RDH13: variants seen among roughly 807,000 people sequenced by gnomAD.
The protein encoded by RDH13 is retinol dehydrogenase 13, also known as retinol dehydrogenase 13 (all-trans and 9-cis).
RDH13 carries 35 observed loss-of-function variants against 28.3 expected under a neutral mutation model. The observed-to-expected ratio is 1.24, with a 90% CI of 0.95 to 1.64. The LOEUF is 1.64. RDH13 is among the 40% of genes most tolerant of loss of function. The pLI, the probability that RDH13 is intolerant of heterozygous loss-of-function variation, is 0.00. For missense variants in RDH13, 514 were observed against 446.3 expected, an observed-to-expected ratio of 1.15 and a Z score of -1.37; for synonymous variants, 229 against 198.5, an observed-to-expected ratio of 1.15 and a Z score of -1.29.
At chr19:55,039,477 G>A (rs367609173), downstream of RDH13, 13 of 152,268 alleles carry the variant, frequency 8.5e-5, no homozygotes, top group East Asian at 2.1e-3. Flanking sequence ...GAACCTGGGA[G>A]GCAGAGATTG....
chr19:55,048,178 C>G (rs1602714544), intron 5 of RDH13, 151 bp downstream of exon 5: 7 of 1,535,748 alleles, frequency 4.6e-6, no homozygotes, highest in African/African-American at 4.1e-5. Flanking sequence ...CTGCTTCAGG[C>G]ACCAGAAGCG....
chr19:55,056,743 C>A lies in RDH13; in HGVS notation c.250G>T (p.Gly84Trp). 6.2e-7 allele frequency: 1 copy of A among 1,614,042 alleles called. No homozygotes were observed. The highest frequency in any genetic ancestry group is 8.5e-7 in the Non-Finnish European group (1 of 1,180,006). ...TTGACATGGTGATTGAGGGTCTCCCCGCGGATGTCCTTTGCTGCCGCCTCA... is the reference window on the plus strand; with the variant it reads ...TTGACATGGTGATTGAGGGTCTCCCAGCGGATGTCCTTTGCTGCCGCCTCA... ...KCEAAAKDIR[G>W]ETLNHHVNAR... Residue 84 changes from glycine to tryptophan, a missense_variant, in exon 3 of 7, where the codon GGG becomes TGG. Coordinates refer to ENST00000415061, the MANE Select transcript of RDH13 (RefSeq NM_001145971.2).
chr19:55,067,815 C>G (rs950289051), upstream of RDH13: 1 of 152,244 alleles, frequency 6.6e-6, no homozygotes, highest in Admixed American at 6.5e-5. Flanking sequence ...CCATTCCTCC[C>G]TTCCAGCTCA....
chr19:55,062,956 G>C lies in RDH13; in HGVS notation c.65+12C>G. ...CGCCTTGACCGCGCACGCGGGGCTA[G>C]AATGTACTCACTTGAGCAGCACGGC... On this transcript the variant is annotated intron_variant, in intron 1 of 6. Coordinates refer to ENST00000415061, the MANE Select transcript of RDH13 (RefSeq NM_001145971.2). 2 of 1,474,622 alleles carry C rather than the reference G, an allele frequency of 1.4e-6. No individual in the cohort carries two copies. The highest frequency in any genetic ancestry group is 9.0e-7 in the Non-Finnish European group (1 of 1,116,924). The allele number at this position is 1,474,622 out of a possible 1,614,324, so 91.3% of individuals were successfully genotyped here.
chr19:55,062,934 C>A (rs73615893), intron 1 of RDH13, 34 bp downstream of exon 1: 2 of 1,429,938 alleles, frequency 1.4e-6, no homozygotes, highest in Admixed American at 3.0e-5. Flanking sequence ...GGGGGCCCGC[C>A]TTGACCGCGC....
intron 6 of RDH13, among the ~76,000 whole-genome samples, chr19:55,045,736 G>A (rs192187097): frequency 2.3e-3 from 344 of 147,910 alleles, no homozygotes; most frequent in African/African-American, 7.9e-3. Flanking sequence ...ACCTGGGGTC[G>A]GGAGTTCCAG....
intron 3 of RDH13, 53 bp downstream of exon 3, chr19:55,056,600 C>T (rs2075641342): frequency 1.9e-6 from 3 of 1,591,324 alleles, no homozygotes; most frequent in East Asian, 2.3e-5. Context: ...CAGAGCCTGG[C>T]CCTGGGAGCC....
chr19:55,045,935 A>G (rs1296530800), intron 6 of RDH13, among the ~76,000 whole-genome samples: 1 of 130,764 alleles, frequency 7.6e-6, no homozygotes, highest in Non-Finnish European at 1.6e-5. Context: ...GACAATAGCA[A>G]GACTTCGTCT....
At chr19:55,056,177 A>C (rs1272779862) in intron 3 of RDH13, among the ~76,000 whole-genome samples, 1 of 151,166 alleles carries the variant, frequency 6.6e-6, no homozygotes, top group Non-Finnish European at 1.5e-5. Flanking sequence ...AAACAAAACA[A>C]AGTCAGCCGG....
chr19:55,061,157 T>G (rs970895231), intron 1 of RDH13, among the ~76,000 whole-genome samples: 4 of 152,098 alleles, frequency 2.6e-5, no homozygotes, highest in Non-Finnish European at 5.9e-5. Flanking sequence ...AGACAGAGTC[T>G]CGCTCTGTCG....
chr19:55,039,347 C>G (rs2074953063), downstream of RDH13: 2 of 152,196 alleles, frequency 1.3e-5, no homozygotes, highest in Non-Finnish European at 2.9e-5. Context: ...GCCTGGTTAA[C>G]ATGGTGAAAC....
At chr19:55,050,987 G>A (rs1438696511) in intron 3 of RDH13, 1 of 137,644 alleles carries the variant, frequency 7.3e-6, no homozygotes, top group Non-Finnish European at 1.5e-5. Flanking sequence ...TCACTTCTCT[G>A]TGACTCAGTT....
chr19:55,059,075 C>T (rs2075728265), intron 2 of RDH13, 82 bp downstream of exon 2: 1 of 924,378 alleles, frequency 1.1e-6, no homozygotes, highest in African/African-American at 1.6e-5. Flanking sequence ...TGGGTTCCTT[C>T]CACCTCCGGA....
intron 2 of RDH13, among the ~76,000 whole-genome samples, 197 bp downstream of exon 2, chr19:55,058,960 C>T (rs890226873): frequency 6.6e-6 from 1 of 152,196 alleles, no homozygotes; most frequent in Non-Finnish European, 1.5e-5. Context: ...TACAGGCGTG[C>T]ACCACCGCGC....
upstream of RDH13, chr19:55,063,283 G>T (rs540552155): frequency 1.3e-5 from 5 of 390,136 alleles, no homozygotes; most frequent in Non-Finnish European, 2.3e-5. Flanking sequence ...GGTTTCAGGA[G>T]CCTGTGGGCG....
intron 3 of RDH13, among the ~76,000 whole-genome samples, chr19:55,056,135 C>T (rs552818322): frequency 2.6e-5 from 4 of 151,930 alleles, no homozygotes; most frequent in Non-Finnish European, 5.9e-5. Flanking sequence ...GCCTGGGCAA[C>T]AGAGCGAGAC....
At position 55,045,132 on chromosome 19, in the gene RDH13, C is replaced by T. The variant is rs563415357; in HGVS notation, c.938G>A (p.Ser313Asn). The T allele has an allele frequency of 4.3e-6, 7 of 1,613,482 alleles. No individual in the cohort carries two copies. The highest frequency in any genetic ancestry group is 5.9e-6 in the Non-Finnish European group (7 of 1,180,006). ...EEVARRLWAE[S>N]ARLVGLEAPS... Reference sequence around the variant, plus strand: ...AGCCTCTAAGCCCACCAGGCGGGCACTTTCAGCCCAAAGCCTCCGGGCCAC... The same window carrying T: ...AGCCTCTAAGCCCACCAGGCGGGCATTTTCAGCCCAAAGCCTCCGGGCCAC... Residue 313 changes from serine to asparagine, a missense_variant, in exon 7 of 7, where the codon AGT becomes AAT. Coordinates refer to ENST00000415061, the MANE Select transcript of RDH13 (RefSeq NM_001145971.2).
rs887808970 is a variant in RDH13, at chr19:55,047,448, G to A, written c.699C>T (p.Ala233=). The change falls in exon 6 of 7, where the codon GCC becomes GCT. Residue 233 remains alanine (A), a synonymous_variant. Transcript: ENST00000415061. ...CCGTGTGTCTGCCCAGCTCTGTCCT[G>A]GCCACGCCGGGGTGCAGGGCGTTGA... ...VTVNALHPGV[A]RTELGRHTGI... is the part of the protein sequence containing the mutation. 1.2e-5 allele frequency: 20 copies of A among 1,610,588 alleles called. No individual in the cohort carries two copies. Among genetic ancestry groups the A allele is most frequent in the Non-Finnish European group, 1.7e-5 (20 of 1,179,962 alleles).
chr19:55,052,794 T>C (rs2075494632), intron 3 of RDH13, among the ~76,000 whole-genome samples: 1 of 151,802 alleles, frequency 6.6e-6, no homozygotes, highest in African/African-American at 2.4e-5. Context: ...CCCAAGTAGC[T>C]GGGTTACAGG....
Sources: gnomAD v4.1 joint callset for allele counts (sites outside exome capture counted in the v4.1 genomes callset) on GRCh38, gnomAD v4.1.1 for gene constraint, MANE v1.5 for transcripts, NCBI Gene and HGNC (gene_info 2026-07-23, HGNC 2026-07-21) for gene names.